POLR2B: variants seen among roughly 807,000 people sequenced by gnomAD.
POLR2B encodes the protein DNA-directed RNA polymerase II subunit RPB2.
POLR2B carries 57 observed loss-of-function variants against 144.6 expected under a neutral mutation model. The observed-to-expected ratio is 0.39, with a 90% confidence interval of 0.32 to 0.49. The LOEUF (loss-of-function observed/expected upper bound fraction) is 0.49. Among genes scored for constraint, POLR2B ranks in the 20% least tolerant of loss-of-function variants. The pLI, the probability that POLR2B is intolerant of heterozygous loss-of-function variation, is 0.83. For synonymous variants in POLR2B, 442 were observed against 469.8 expected (o/e 0.94, Z 0.77); for missense variants, 595 against 1,467.4 (o/e 0.41, Z 9.71).
At chr4:57,020,740 A>C (rs930878818) in intron 16 of POLR2B, among the ~76,000 whole-genome samples, 159 bp from the exon 17 acceptor site, 1 of 152,186 alleles carries the variant, frequency 6.6e-6, no homozygotes, top group Admixed American at 6.5e-5. Flanking sequence ...GTTGCCTCAC[A>C]GATTGCTATT....
Position 57,017,595 on chromosome 4 carries a change from G to A in POLR2B, c.2190G>A (p.Lys730=), listed in dbSNP as rs551779366. 5.7e-5 allele frequency: 92 copies of A among 1,612,972 alleles called. 1 individual carries two copies. In the South Asian group the frequency reaches 9.8e-4, roughly 17 times the overall value. ...ACACATACCAGTCTGCTATGGGTAA[G>A]CAGGCTATGGGAGTTTACATCACCA... is the stretch of plus-strand genomic sequence containing the variant. ...PRNTYQSAMG[K]QAMGVYITNF... Residue 730 remains lysine, a synonymous_variant, in exon 16 of 25, where the codon AAG becomes AAA. Transcript: ENST00000314595. The surrounding 1 kb of genome is among the most constrained non-coding windows in gnomAD (Gnocchi z 4.8).
intron 7 of POLR2B, among the ~76,000 whole-genome samples, chr4:57,004,352 CTTTTT>C (rs34205751): frequency 1.6e-4 from 22 of 140,596 alleles, no homozygotes; most frequent in Non-Finnish European, 1.7e-4. Context: ...CCCAGCAAAT[CTTTTT>C]TTTTTTTTTT....
intron 7 of POLR2B, among the ~76,000 whole-genome samples, chr4:57,001,233 A>C (rs28391373): frequency 0.014 from 2,119 of 152,122 alleles, 49 homozygotes; most frequent in African/African-American, 0.048. Flanking sequence ...GCAGTGGCAC[A>C]ATCTCAGCTC....
At chr4:57,003,258 T>C (rs1390484708) in intron 7 of POLR2B, among the ~76,000 whole-genome samples, 3 of 151,232 alleles carry the variant, frequency 2.0e-5, no homozygotes, top group African/African-American at 7.3e-5. Flanking sequence ...AGTGAAACCC[T>C]GTGTCTACTA....
chr4:57,011,755 G>A (rs987043701), intron 13 of POLR2B, among the ~76,000 whole-genome samples: 2 of 152,006 alleles, frequency 1.3e-5, no homozygotes, highest in Non-Finnish European at 2.9e-5. Context: ...CCCAGGAGGC[G>A]GAGGTTGCAG....
chr4:56,995,953 T>C (rs1443415383), intron 6 of POLR2B, among the ~76,000 whole-genome samples: 1 of 152,112 alleles, frequency 6.6e-6, no homozygotes, highest in Non-Finnish European at 1.5e-5. Context: ...CCATGTTCTT[T>C]TTGTTGGTTG....
chr4:57,031,143 A>AT lies in POLR2B; in HGVS notation c.*160dup. The AT allele has an allele frequency of 1.4e-6, 1 of 715,460 alleles. No individual in the cohort carries two copies. Among genetic ancestry groups the AT allele is most frequent in the East Asian group, 2.7e-5 (1 of 37,448 alleles). 44.3% of individuals were successfully genotyped at this position (715,460 alleles called of 1,614,324 possible). ...CTTTTCTTCTGTAAATATATAATAA[A>AT]TTTTTGTAGATAGTCTTGATGTGTG... On this transcript the variant is annotated 3_prime_UTR_variant, in exon 25 of 25. Coordinates refer to ENST00000314595, the MANE Select transcript of POLR2B (RefSeq NM_000938.3).
At chr4:56,991,098 A>G (rs1405891172) in intron 3 of POLR2B, among the ~76,000 whole-genome samples, 200 bp downstream of exon 3, 1 of 152,188 alleles carries the variant, frequency 6.6e-6, no homozygotes, top group African/African-American at 2.4e-5. Flanking sequence ...CCTTATTCAC[A>G]TAGTAGGTAT....
chr4:57,001,982 A>G (rs1722867222), intron 7 of POLR2B, among the ~76,000 whole-genome samples: 1 of 152,106 alleles, frequency 6.6e-6, no homozygotes, highest in African/African-American at 2.4e-5. Flanking sequence ...TACATGAGAA[A>G]ATTGGGTTCT....
At position 56,986,699 on chromosome 4, in the gene POLR2B, C is replaced by T. The variant is rs10011176; in HGVS notation, c.92+273C>T. ...TTTTTTCTGAAACATGTGAGAGTAA[C>T]TTGCAGATCATTTGACCCTGGGAGG... On this transcript the variant is annotated intron_variant, in intron 2 of 24. Coordinates refer to ENST00000314595, the MANE Select transcript of POLR2B (RefSeq NM_000938.3). 2.1e-3 allele frequency: 489 copies of T among 228,206 alleles called. 4 individuals carry two copies. Among genetic ancestry groups the T allele is most frequent in the African/African-American group, 0.01 (452 of 43,430 alleles). 14.1% of individuals were successfully genotyped at this position (228,206 alleles called of 1,614,324 possible).
intron 10 of POLR2B, among the ~76,000 whole-genome samples, chr4:57,007,334 G>C (rs1247314107): frequency 1.3e-5 from 2 of 152,132 alleles, no homozygotes; most frequent in Non-Finnish European, 2.9e-5. Context: ...AGAATCGCTT[G>C]TACCTGGGAG....
intron 3 of POLR2B, 106 bp from the exon 4 acceptor site, chr4:56,994,298 G>A: frequency 1.6e-6 from 1 of 642,932 alleles, no homozygotes; most frequent in East Asian, 2.7e-5. Flanking sequence ...TTGCCAGTTT[G>A]TAGAGTTGCT....
intron 23 of POLR2B, among the ~76,000 whole-genome samples, chr4:57,025,939 A>T (rs1008439833): frequency 2.9e-4 from 43 of 150,526 alleles, no homozygotes; most frequent in Middle Eastern, 3.5e-3. Context: ...TAAAAAAAAA[A>T]TTTTTTTTTT....
At chr4:57,018,477 G>T (rs1439535425) in intron 16 of POLR2B, among the ~76,000 whole-genome samples, 1 of 152,148 alleles carries the variant, frequency 6.6e-6, no homozygotes, top group Non-Finnish European at 1.5e-5. Flanking sequence ...GTTGGTGTTT[G>T]TGGCTTGGGT....
At chr4:56,999,471 CAT>C in intron 6 of POLR2B, 144 bp from the exon 7 acceptor site, 1 of 473,746 alleles carries the variant, frequency 2.1e-6, no homozygotes, top group Non-Finnish European at 3.6e-6. Context: ...GAAAAGCAGT[CAT>C]AGGAGGTTCC....
chr4:57,011,114 G>T lies in POLR2B; in HGVS notation c.1800+14G>T, dbSNP rs778163800. The T allele has an allele frequency of 2.0e-6, 3 of 1,501,782 alleles. No homozygotes were observed. The highest frequency in any genetic ancestry group is 1.9e-6 in the Non-Finnish European group (2 of 1,077,464). 93.0% of individuals were successfully genotyped at this position (1,501,782 alleles called of 1,614,324 possible). A position where few individuals can be genotyped will look rare whatever the true frequency, so the allele number is the denominator to read the frequency against. Reference sequence around the variant, plus strand: ...ATTGTGTCTGAAGTAAGAATCTTTAGTTAAGAGGGTGTGGACTGTGAGATT... The same window carrying T: ...ATTGTGTCTGAAGTAAGAATCTTTATTTAAGAGGGTGTGGACTGTGAGATT... On this transcript the variant is annotated intron_variant, in intron 13 of 24. Transcript: ENST00000314595.
At chr4:57,002,405 G>T (rs1722882144) in intron 7 of POLR2B, among the ~76,000 whole-genome samples, 2 of 152,052 alleles carry the variant, frequency 1.3e-5, no homozygotes. Context: ...ATTACTGTTG[G>T]TTTTTTCAGC....
intron 9 of POLR2B, among the ~76,000 whole-genome samples, chr4:57,006,374 G>A (rs556884049): frequency 2.0e-5 from 3 of 152,102 alleles, no homozygotes; most frequent in South Asian, 2.1e-4. Flanking sequence ...GTGCCATCTC[G>A]GCTCACTGCA....
At chr4:57,002,083 A>T (rs1438804262) in intron 7 of POLR2B, among the ~76,000 whole-genome samples, 6 of 152,190 alleles carry the variant, frequency 3.9e-5, no homozygotes, top group African/African-American at 1.4e-4. Flanking sequence ...GCTGGAGTGC[A>T]GTGGTGAAAT....
Sources: allele counts gnomAD v4.1 joint callset (sites outside exome capture counted in the v4.1 genomes callset), GRCh38; gene constraint gnomAD v4.1.1; non-coding constraint Gnocchi (gnomAD v3.1); transcripts MANE v1.5; gene names NCBI Gene and HGNC (gene_info 2026-07-23, HGNC 2026-07-21).